QTMAN: variants seen among roughly 807,000 people sequenced by gnomAD.
QTMAN encodes queuosine-tRNA mannosyltransferase, also known as tRNA-queuosine alpha-mannosyltransferase.
the QTMAN span, among the ~76,000 whole-genome samples, chr2:144,076,627 G>A: frequency 1.6e-4 from 24 of 152,086 alleles, no homozygotes; most frequent in East Asian, 3.3e-3. Context: ...AAAACAACAC[G>A]GGACAATGCA....
At chr2:144,146,103 T>C in the QTMAN span, among the ~76,000 whole-genome samples, 25 of 150,412 alleles carry the variant, frequency 1.7e-4, no homozygotes, top group African/African-American at 6.1e-4. Flanking sequence ...GCGGAATACT[T>C]TGCTTGCCAG....
At chr2:143,977,276 G>C in the QTMAN span, among the ~76,000 whole-genome samples, 1 of 152,116 alleles carries the variant, frequency 6.6e-6, no homozygotes. Context: ...CAGTCTTCTT[G>C]GTGTTTACAG....
the QTMAN span, among the ~76,000 whole-genome samples, chr2:144,177,882 TA>T: frequency 6.6e-6 from 1 of 152,196 alleles, no homozygotes; most frequent in Non-Finnish European, 1.5e-5. Context: ...CAACATAATA[TA>T]AAAATAATGT....
the QTMAN span, among the ~76,000 whole-genome samples, chr2:144,265,583 G>A: frequency 6.6e-6 from 1 of 152,172 alleles, no homozygotes; most frequent in Admixed American, 6.5e-5. Flanking sequence ...TGTAATTCCA[G>A]CTACTCGGGA....
At chr2:144,182,801 TATATATAATATA>T in the QTMAN span, among the ~76,000 whole-genome samples, 1 of 13,426 alleles carries the variant, frequency 7.4e-5, no homozygotes, top group African/African-American at 1.1e-4. Context: ...ATATATATTA[TATATATAATATA>T]TATATTATAT....
At chr2:144,196,566 T>G in the QTMAN span, among the ~76,000 whole-genome samples, 1 of 152,172 alleles carries the variant, frequency 6.6e-6, no homozygotes, top group African/African-American at 2.4e-5. Flanking sequence ...CCTTTCAGAA[T>G]GCTGACTCAA....
At chr2:144,092,277 G>A in the QTMAN span, among the ~76,000 whole-genome samples, 2 of 151,338 alleles carry the variant, frequency 1.3e-5, no homozygotes, top group Non-Finnish European at 2.9e-5. Flanking sequence ...CCAGGTTCAC[G>A]CCATTCTCCT....
chr2:144,152,615 T>C, the QTMAN span, among the ~76,000 whole-genome samples: 1 of 152,196 alleles, frequency 6.6e-6, no homozygotes, highest in Non-Finnish European at 1.5e-5. Flanking sequence ...TATGTGTTTA[T>C]TTCTTTTGGG....
the QTMAN span, among the ~76,000 whole-genome samples, chr2:144,251,996 G>A: frequency 6.6e-6 from 1 of 151,832 alleles, no homozygotes; most frequent in Admixed American, 6.6e-5. Context: ...AGGAGTTGGA[G>A]ACCAGCCTAG....
the QTMAN span, among the ~76,000 whole-genome samples, chr2:144,267,387 A>C: frequency 6.6e-6 from 1 of 152,242 alleles, no homozygotes; most frequent in Non-Finnish European, 1.5e-5. Flanking sequence ...GTAGCTGAAA[A>C]GCCAAGGTCA....
the QTMAN span, among the ~76,000 whole-genome samples, chr2:144,223,764 T>A: frequency 6.6e-6 from 1 of 152,200 alleles, no homozygotes; most frequent in African/African-American, 2.4e-5. Flanking sequence ...AATATACATA[T>A]AAAACGATTT....
At chr2:144,251,698 T>C in the QTMAN span, among the ~76,000 whole-genome samples, 2 of 152,036 alleles carry the variant, frequency 1.3e-5, no homozygotes, top group South Asian at 4.1e-4. Flanking sequence ...ACCAAAAACA[T>C]GATCCATGAC....
At chr2:144,190,487 G>A in the QTMAN span, among the ~76,000 whole-genome samples, 1 of 152,136 alleles carries the variant, frequency 6.6e-6, no homozygotes, top group Non-Finnish European at 1.5e-5. Context: ...TTTGATAACT[G>A]AATCAAGGTG....
the QTMAN span, among the ~76,000 whole-genome samples, chr2:144,045,988 G>T: frequency 2.0e-5 from 3 of 152,166 alleles, no homozygotes; most frequent in African/African-American, 7.2e-5. Flanking sequence ...ATCTGATGCT[G>T]CTATGAACTA....
chr2:144,183,836 C>T, the QTMAN span, among the ~76,000 whole-genome samples: 4 of 152,194 alleles, frequency 2.6e-5, no homozygotes, highest in Non-Finnish European at 5.9e-5. Flanking sequence ...GGTAGCCTGA[C>T]TCTAGCACAC....
chr2:144,253,760 G>GAAA, the QTMAN span, among the ~76,000 whole-genome samples: 2 of 126,340 alleles, frequency 1.6e-5, no homozygotes, highest in African/African-American at 5.9e-5. Context: ...CAATGAAGTA[G>GAAA]AAAAAAAAAA....
chr2:144,181,323 C>T, the QTMAN span, among the ~76,000 whole-genome samples: 1 of 152,234 alleles, frequency 6.6e-6, no homozygotes, highest in South Asian at 2.1e-4. Flanking sequence ...TTCCTTTCCC[C>T]CACGGGATTA....
At chr2:144,011,779 C>G in the QTMAN span, 4 of 982,616 alleles carry the variant, frequency 4.1e-6, no homozygotes, top group African/African-American at 1.7e-5. Context: ...CTGAACACTT[C>G]CTTTCTCTTT....
At chr2:144,103,650 A>G in the QTMAN span, among the ~76,000 whole-genome samples, 9,189 of 152,224 alleles carry the variant, frequency 0.06, 930 homozygotes, top group African/African-American at 0.21. Context: ...ATAAAATAAA[A>G]TAAAACAAAA....
Sources: allele counts gnomAD v4.1 joint callset (sites outside exome capture counted in the v4.1 genomes callset), GRCh38; gene constraint gnomAD v4.1.1; transcripts MANE v1.5; gene names NCBI Gene and HGNC (gene_info 2026-07-23, HGNC 2026-07-21).